Variants in ASB18 observed in about 807,000 individuals in gnomAD.
ASB18 encodes the protein ankyrin repeat and SOCS box containing 18.
In ASB18, 33 loss-of-function variants were observed where a neutral mutation model predicts 33.4. That is an observed-to-expected ratio of 0.99 (90% CI 0.75 to 1.32). The LOEUF (loss-of-function observed/expected upper bound fraction) is 1.32. ASB18 is among the 40% of genes most tolerant of loss of function. ASB18 has a pLI of 0.00. For synonymous variants in ASB18, 295 were observed against 307.6 expected (o/e 0.96, Z 0.43); for missense variants, 694 against 655.5 (o/e 1.06, Z -0.64).
Position 236,194,068 on chromosome 2 carries a change from TATGAATGA to T in ASB18, c.*796_*803del, listed in dbSNP as rs148040196. On this transcript the variant is annotated 3_prime_UTR_variant, in exon 6 of 6. Coordinates refer to ENST00000409749, the MANE Select transcript of ASB18 (RefSeq NM_212556.4). The surrounding 1 kb of genome is among the most constrained non-coding windows in gnomAD (Gnocchi z 4.5). ...CTGAACTAGAATAAGCACATTAGAA[TATGAATGA>T]ATGAATGAATGAATGAATACAAATT... Among the ~76,000 whole-genome samples the T allele has an allele frequency of 8.6e-5, 13 of 151,716 alleles. No homozygotes were observed. Among genetic ancestry groups the T allele is most frequent in the Non-Finnish European group, 1.5e-4 (10 of 68,018 alleles).
At chr2:236,258,246 G>C (rs1574673967) in intron 1 of ASB18, among the ~76,000 whole-genome samples, 1 of 152,184 alleles carries the variant, frequency 6.6e-6, no homozygotes, top group African/African-American at 2.4e-5. Flanking sequence ...GGGTCGGGAG[G>C]CTTTGTTGAT....
In ASB18 at chr2:236,255,152, T is replaced by C. The variant is rs1352116722; in HGVS notation, c.205+8989A>G. On this transcript the variant is annotated intron_variant, in intron 1 of 5. Coordinates refer to ENST00000409749, the MANE Select transcript of ASB18 (RefSeq NM_212556.4). This position sits in a 1 kb window ranked among gnomAD's most constrained non-coding sequence, Gnocchi z 4.4. ...TGGTATTTCTTTCTTTTTCTTTTTT[T>C]TCTTTCTTTGAGACGGAGTCTCATT... Among the ~76,000 whole-genome samples the C allele has an allele frequency of 6.6e-6, 1 of 152,148 alleles. No homozygotes were observed. Among genetic ancestry groups the C allele is most frequent in the Non-Finnish European group, 1.5e-5 (1 of 68,024 alleles).
In ASB18 at chr2:236,263,160, CTAAAAG is replaced by C. The variant is rs2060727749; in HGVS notation, c.205+975_205+980del. On this transcript the variant is annotated intron_variant, in intron 1 of 5. Coordinates refer to ENST00000409749, the MANE Select transcript of ASB18 (RefSeq NM_212556.4). The surrounding 1 kb of genome is among the most constrained non-coding windows in gnomAD (Gnocchi z 4.0). ...CAAGCTGGGAAACAGCACAATACAA[CTAAAAG>C]TAAATCACAGGTCAGGAAAACACTT... Among the ~76,000 whole-genome samples, 1 of 152,230 alleles carries C rather than the reference CTAAAAG, an allele frequency of 6.6e-6. No homozygotes were observed. The highest frequency in any genetic ancestry group is 2.4e-5 in the African/African-American group (1 of 41,458).
At chr2:236,199,422 A>G (rs1431643732) in intron 4 of ASB18, among the ~76,000 whole-genome samples, 3 of 150,666 alleles carry the variant, frequency 2.0e-5, no homozygotes, top group Admixed American at 2.0e-4. Flanking sequence ...AAAAAAAAAA[A>G]AAAAAAGAAA....
In ASB18 at chr2:236,248,947, CACT is replaced by C. The variant is rs1358697373; in HGVS notation, c.206-7548_206-7546del. 1.3e-5 allele frequency: 2 copies of C among 152,236 alleles called. No individual in the cohort carries two copies. The highest frequency in any genetic ancestry group is 4.8e-5 in the African/African-American group (2 of 41,464). The allele number at this position is 152,236 out of a possible 1,614,324, so 9.4% of individuals were successfully genotyped here. On this transcript the variant is annotated intron_variant, in intron 1 of 5. Coordinates refer to ENST00000409749, the MANE Select transcript of ASB18 (RefSeq NM_212556.4). This position sits in a 1 kb window ranked among gnomAD's most constrained non-coding sequence, Gnocchi z 4.9. The stretch of plus-strand genomic sequence containing the variant: ...GAATCGAATGACTGAAACAGCTATT[CACT>C]ACTATGGGTTCCCCGTTTGGGGCAC...
chr2:236,241,424 A>G lies in ASB18; in HGVS notation c.206-22T>C. ...TCCCCTGCGACCAGGGCAGTGTGGT[A>G]CTCCTGCACCGGGGACCCTGCTCTA... On this transcript the variant is annotated intron_variant, in intron 1 of 5. Transcript: ENST00000409749. This position sits in a 1 kb window ranked among gnomAD's most constrained non-coding sequence, Gnocchi z 4.2. The G allele has an allele frequency of 6.2e-7, 1 of 1,613,610 alleles. No homozygotes were observed.
Position 236,255,620 on chromosome 2 carries a change from ATCTT to A in ASB18, c.205+8517_205+8520del, listed in dbSNP as rs1465793529. The stretch of plus-strand genomic sequence containing the variant: ...TCCTGGCACCTGTCCTTTCTCCTCT[ATCTT>A]CTGCTTTACCTAAGTAAAAGAGTCA... On this transcript the variant is annotated intron_variant, in intron 1 of 5. Coordinates refer to ENST00000409749, the MANE Select transcript of ASB18 (RefSeq NM_212556.4). This position sits in a 1 kb window ranked among gnomAD's most constrained non-coding sequence, Gnocchi z 4.4. Among the ~76,000 whole-genome samples, 4 of 152,298 alleles carry A rather than the reference ATCTT, an allele frequency of 2.6e-5. No homozygotes were observed. Among genetic ancestry groups the A allele is most frequent in the East Asian group, 3.9e-4 (2 of 5,186 alleles).
Position 236,214,261 on chromosome 2 carries a change from C to T in ASB18, c.1101+101G>A. The T allele has an allele frequency of 8.0e-7, 1 of 1,246,458 alleles. No individual in the cohort carries two copies. The highest frequency in any genetic ancestry group is 1.1e-6 in the Non-Finnish European group (1 of 917,640). 77.2% of individuals were successfully genotyped at this position (1,246,458 alleles called of 1,614,324 possible). A position where few individuals can be genotyped will look rare whatever the true frequency, so the allele number is the denominator to read the frequency against. ...TCACAAGTCCCCAGGGGTGCCTGGG[C>T]CATTACACTTTGAGAGCGCCGCATG... On this transcript the variant is annotated intron_variant, in intron 4 of 5. Transcript: ENST00000409749. This position sits in a 1 kb window ranked among gnomAD's most constrained non-coding sequence, Gnocchi z 6.5.
rs181698376 is a variant in ASB18 at position 236,255,061 on chromosome 2, C to A, written c.205+9080G>T. Among the ~76,000 whole-genome samples, 10 of 152,308 alleles carry A rather than the reference C, an allele frequency of 6.6e-5. No individual in the cohort carries two copies. The highest frequency in any genetic ancestry group is 6.5e-4 in the Admixed American group (10 of 15,302). Reference sequence around the variant, plus strand: ...GCCGCGACTGAAAGCTTCCTGAAGTCTCCCCAGAAGCCGAAGCCGCTACGC... The same window carrying A: ...GCCGCGACTGAAAGCTTCCTGAAGTATCCCCAGAAGCCGAAGCCGCTACGC... On this transcript the variant is annotated intron_variant, in intron 1 of 5. Transcript: ENST00000409749. This position sits in a 1 kb window ranked among gnomAD's most constrained non-coding sequence, Gnocchi z 4.4.
At chr2:236,202,814 T>TATATATATATATACACACAC (rs1472095135) in intron 4 of ASB18, among the ~76,000 whole-genome samples, 1,849 of 124,570 alleles carry the variant, frequency 0.015, 26 homozygotes, top group Non-Finnish European at 0.022. Context: ...TATATATATA[T>TATATATATATATACACACAC]ACACACACCT....
rs1359691607 is a variant in ASB18, at chr2:236,252,849, G to C, written c.205+11292C>G. On this transcript the variant is annotated intron_variant, in intron 1 of 5. Coordinates refer to ENST00000409749, the MANE Select transcript of ASB18 (RefSeq NM_212556.4). This position sits in a 1 kb window ranked among gnomAD's most constrained non-coding sequence, Gnocchi z 7.9. ...GCTGTAGGGAGGACTTGTCACCCCA[G>C]CTGTCAGCTCCTCCATGGTTTGCCT... Among the ~76,000 whole-genome samples the C allele has an allele frequency of 6.6e-6, 1 of 152,178 alleles. No homozygotes were observed. Among genetic ancestry groups the C allele is most frequent in the Non-Finnish European group, 1.5e-5 (1 of 68,024 alleles).
chr2:236,247,265 G>A (rs2060649609), intron 1 of ASB18: 1 of 147,364 alleles, frequency 6.8e-6, no homozygotes, highest in African/African-American at 2.6e-5. Flanking sequence ...ATAGCCACAT[G>A]TTGATGATTA....
Position 236,217,096 on chromosome 2 carries a change from T to C in ASB18, c.597-2230A>G, listed in dbSNP as rs910316720. On this transcript the variant is annotated intron_variant, in intron 3 of 5. Transcript: ENST00000409749. This position sits in a 1 kb window ranked among gnomAD's most constrained non-coding sequence, Gnocchi z 5.2. Reference sequence around the variant, plus strand: ...GTCTTGCACTATGTGCCCAGGCACATTGGTCACCCCATATTTCAAATATTT... The same window carrying C: ...GTCTTGCACTATGTGCCCAGGCACACTGGTCACCCCATATTTCAAATATTT... Among the ~76,000 whole-genome samples, 16 of 152,166 alleles carry C rather than the reference T, an allele frequency of 1.1e-4. 1 individual carries two copies. The highest frequency in any genetic ancestry group is 3.6e-4 in the African/African-American group (15 of 41,436).
chr2:236,196,437 C>A lies in ASB18; in HGVS notation c.1102-52G>T. 9.8e-7 allele frequency: 1 copy of A among 1,017,368 alleles called. No individual in the cohort carries two copies. Among genetic ancestry groups the A allele is most frequent in the South Asian group, 1.4e-5 (1 of 72,786 alleles). The allele number at this position is 1,017,368 out of a possible 1,614,324, so 63.0% of individuals were successfully genotyped here. ...CGTAGGCCGACTGGGTTCTGGGTCT[C>A]AGTGGGGAAAGGGTGGGGGGTGTGG... On this transcript the variant is annotated intron_variant, in intron 4 of 5. Transcript: ENST00000409749. The surrounding 1 kb of genome is among the most constrained non-coding windows in gnomAD (Gnocchi z 5.6).
rs958665817 is a variant in ASB18, at chr2:236,221,978, A to G, written c.597-7112T>C. Among the ~76,000 whole-genome samples the G allele has an allele frequency of 2.0e-5, 3 of 152,232 alleles. No homozygotes were observed. Among genetic ancestry groups the G allele is most frequent in the African/African-American group, 7.2e-5 (3 of 41,462 alleles). On this transcript the variant is annotated intron_variant, in intron 3 of 5. Transcript: ENST00000409749. The surrounding 1 kb of genome is among the most constrained non-coding windows in gnomAD (Gnocchi z 5.6). ...CCAGGGTGGGTGCTGGGCATGTGCC[A>G]GCCTATGGGGGCAAGGTTGCAGGGG... is the stretch of plus-strand genomic sequence containing the variant.
intron 1 of ASB18, among the ~76,000 whole-genome samples, chr2:236,261,296 T>C (rs2060717059): frequency 6.6e-6 from 1 of 152,214 alleles, no homozygotes; most frequent in Admixed American, 6.5e-5. Context: ...TGCCTTTGTG[T>C]CTTCCTTTGC....
At chr2:236,243,164 A>C (rs1315561216) in intron 1 of ASB18, among the ~76,000 whole-genome samples, 2 of 151,344 alleles carry the variant, frequency 1.3e-5, no homozygotes. Flanking sequence ...CCCCGTCTCT[A>C]CTAAAAATAC....
At chr2:236,224,369 A>C (rs2060527336) in intron 3 of ASB18, among the ~76,000 whole-genome samples, 1 of 151,708 alleles carries the variant, frequency 6.6e-6, no homozygotes, top group African/African-American at 2.4e-5. Context: ...CCTGAGTGTA[A>C]AGTTTTGATT....
chr2:236,235,458 G>A lies in ASB18; in HGVS notation c.596+2231C>T, dbSNP rs889028854. Among the ~76,000 whole-genome samples, 5 of 152,194 alleles carry A rather than the reference G, an allele frequency of 3.3e-5. No individual in the cohort carries two copies. The highest frequency in any genetic ancestry group is 1.9e-4 in the East Asian group (1 of 5,196). ...ACATTTCTGAGAATGTATCCCCATC[G>A]TTAAGCGACAAATGACTGTATGTGG... is the stretch of plus-strand genomic sequence containing the variant. On this transcript the variant is annotated intron_variant, in intron 3 of 5. Coordinates refer to ENST00000409749, the MANE Select transcript of ASB18 (RefSeq NM_212556.4). This position sits in a 1 kb window ranked among gnomAD's most constrained non-coding sequence, Gnocchi z 6.2.
Sources: allele counts gnomAD v4.1 joint callset (sites outside exome capture counted in the v4.1 genomes callset), GRCh38; gene constraint gnomAD v4.1.1; non-coding constraint Gnocchi (gnomAD v3.1); transcripts MANE v1.5; gene names NCBI Gene and HGNC (gene_info 2026-07-23, HGNC 2026-07-21).